Variants in RUNDC3B observed in about 807,000 individuals in gnomAD.
The protein encoded by RUNDC3B is RUN domain-containing protein 3B.
Under a neutral mutation model 58.4 loss-of-function variants are expected in RUNDC3B, and 33 were observed. That is an observed-to-expected ratio of 0.56 (90% CI 0.43 to 0.75). The LOEUF is 0.75. RUNDC3B is among the 30% of genes least tolerant of loss of function. The probability of loss-of-function intolerance (pLI) is 0.00; values close to 1 mark genes in which losing one functional copy is unlikely to be tolerated. For missense variants in RUNDC3B, 501 were observed against 535.7 expected (o/e 0.94, Z 0.64); for synonymous variants, 193 against 195.2 (o/e 0.99, Z 0.10).
At position 87,830,533 on chromosome 7, in the gene RUNDC3B, T is replaced by C. The variant is rs1206832096; in HGVS notation, c.*503T>C. 1 of 152,198 alleles carries C rather than the reference T, an allele frequency of 6.6e-6. No homozygotes were observed. The highest frequency in any genetic ancestry group is 1.9e-4 in the East Asian group (1 of 5,196). 9.4% of individuals were successfully genotyped at this position (152,198 alleles called of 1,614,324 possible). On this transcript the variant is annotated 3_prime_UTR_variant, in exon 11 of 11. Transcript: ENST00000394654. ...TGCCTTGTTTTTAATAACGGGAAAG[T>C]TCTCAGCTGCATTTTCACAGTGGCT...
chr7:87,629,869 G>C (rs574907142), intron 1 of RUNDC3B, among the ~76,000 whole-genome samples: 3 of 151,076 alleles, frequency 2.0e-5, no homozygotes, highest in Non-Finnish European at 4.4e-5. Flanking sequence ...GTTGCAATGA[G>C]CTGAGATAAC....
In RUNDC3B at chr7:87,753,248, A is replaced by C. The variant is rs562168569; in HGVS notation, c.629+11669A>C. Among the ~76,000 whole-genome samples, 335 of 151,272 alleles carry C rather than the reference A, an allele frequency of 2.2e-3. 1 individual carries two copies. Among genetic ancestry groups the C allele is most frequent in the African/African-American group, 3.2e-3 (133 of 41,204 alleles). ...ACTGTGGTCTGAGAGATAGTTTGTTATAATTTCTGTTCTTTTACATTTGCT... is the reference window on the plus strand; with the variant it reads ...ACTGTGGTCTGAGAGATAGTTTGTTCTAATTTCTGTTCTTTTACATTTGCT... On this transcript the variant is annotated intron_variant, in intron 6 of 10. Coordinates refer to ENST00000394654, the MANE Select transcript of RUNDC3B (RefSeq NM_001134405.2).
chr7:87,825,640 C>T (rs1012565117), intron 10 of RUNDC3B, among the ~76,000 whole-genome samples: 1 of 152,196 alleles, frequency 6.6e-6, no homozygotes, highest in African/African-American at 2.4e-5. Context: ...CATCTTGCAT[C>T]ATCCACCCAG....
intron 8 of RUNDC3B, among the ~76,000 whole-genome samples, chr7:87,797,884 G>T (rs577244090): frequency 2.0e-4 from 31 of 152,208 alleles, no homozygotes; most frequent in African/African-American, 7.0e-4. Context: ...ATAAATAAAG[G>T]GATGATGTCA....
Position 87,686,422 on chromosome 7 carries a change from CAAGA to C in RUNDC3B, c.239-13994_239-13991del, listed in dbSNP as rs201957164. On this transcript the variant is annotated intron_variant, in intron 2 of 10. Transcript: ENST00000394654. ...TGGATGGGTGAGGGAAGGCTTTACA[CAAGA>C]AAGAGGCATAGAAGTACCTCAAATG... Among the ~76,000 whole-genome samples the C allele has an allele frequency of 3.8e-3, 572 of 152,196 alleles. 13 individuals carry two copies. The highest frequency in any genetic ancestry group is 0.033 in the Admixed American group (502 of 15,292).
At chr7:87,659,442 G>T (rs1824468510) in intron 2 of RUNDC3B, among the ~76,000 whole-genome samples, 1 of 151,924 alleles carries the variant, frequency 6.6e-6, no homozygotes, top group Admixed American at 6.6e-5. Context: ...TCATTTTCCA[G>T]TGTGAAGTTT....
At chr7:87,737,254 A>G (rs1227478224) in intron 4 of RUNDC3B, among the ~76,000 whole-genome samples, 2 of 152,072 alleles carry the variant, frequency 1.3e-5, no homozygotes, top group African/African-American at 4.8e-5. Context: ...AATTTTAAGT[A>G]TATACCTTAC....
intron 2 of RUNDC3B, among the ~76,000 whole-genome samples, chr7:87,684,071 C>T (rs1827203556): frequency 6.6e-6 from 1 of 152,092 alleles, no homozygotes; most frequent in African/African-American, 2.4e-5. Context: ...CATAGAAAAG[C>T]ATTTGACAAA....
At chr7:87,646,001 C>G (rs1822963530) in intron 1 of RUNDC3B, among the ~76,000 whole-genome samples, 2 of 152,156 alleles carry the variant, frequency 1.3e-5, no homozygotes, top group Admixed American at 6.5e-5. Context: ...TGCTTTCTCA[C>G]CCTTAAATGT....
At chr7:87,818,831 G>C (rs1837229933) in intron 10 of RUNDC3B, among the ~76,000 whole-genome samples, 1 of 152,148 alleles carries the variant, frequency 6.6e-6, no homozygotes, top group South Asian at 2.1e-4. Context: ...TATGAAAACA[G>C]CATTCTGGTA....
intron 4 of RUNDC3B, among the ~76,000 whole-genome samples, chr7:87,731,237 A>G (rs1233113260): frequency 2.0e-5 from 3 of 152,328 alleles, no homozygotes; most frequent in Non-Finnish European, 4.4e-5. Context: ...CGAATGAACT[A>G]TATAAGATGT....
intron 2 of RUNDC3B, among the ~76,000 whole-genome samples, chr7:87,672,757 G>A (rs1194514796): frequency 2.6e-5 from 4 of 152,170 alleles, no homozygotes; most frequent in African/African-American, 7.2e-5. Flanking sequence ...GGAGAAGTGT[G>A]GTTTCCTGAG....
In RUNDC3B at chr7:87,739,785, T is replaced by A. The variant is rs766956439; in HGVS notation, c.459-6T>A. ...ATTTTATATATTCACCCATTTCATT[T>A]TTTAGGAGATTTTATGAAGATGGAG... is the stretch of plus-strand genomic sequence containing the variant. On this transcript the variant is annotated splice_polypyrimidine_tract_variant and splice_region_variant and intron_variant, in intron 4 of 10. Transcript: ENST00000394654. 14 of 1,472,622 alleles carry A rather than the reference T, an allele frequency of 9.5e-6. No homozygotes were observed. In the South Asian group the frequency reaches 1.6e-4, roughly 16 times the overall value. The allele number at this position is 1,472,622 out of a possible 1,614,324, so 91.2% of individuals were successfully genotyped here.
At chr7:87,675,653 CAAAAAA>C (rs200136132) in intron 2 of RUNDC3B, among the ~76,000 whole-genome samples, 11 of 65,844 alleles carry the variant, frequency 1.7e-4, no homozygotes, top group South Asian at 5.3e-4. Flanking sequence ...TATTCACATG[CAAAAAA>C]AAAAAAAAAA....
intron 3 of RUNDC3B, among the ~76,000 whole-genome samples, chr7:87,704,423 A>G (rs1485872395): frequency 6.6e-6 from 1 of 152,202 alleles, no homozygotes; most frequent in African/African-American, 2.4e-5. Context: ...AACCCTTTCA[A>G]TAGAGGGGAG....
chr7:87,733,544 C>T (rs1831726940), intron 4 of RUNDC3B, among the ~76,000 whole-genome samples: 1 of 152,196 alleles, frequency 6.6e-6, no homozygotes, highest in African/African-American at 2.4e-5. Context: ...ACAATTTTTA[C>T]AGATCATAAT....
intron 4 of RUNDC3B, among the ~76,000 whole-genome samples, chr7:87,711,590 T>A (rs1315305139): frequency 3.3e-5 from 5 of 152,114 alleles, no homozygotes; most frequent in African/African-American, 9.7e-5. Context: ...TCAAAAGTAT[T>A]TGTAAATGAA....
Position 87,773,310 on chromosome 7 carries a change from G to T in RUNDC3B, c.798+2561G>T, listed in dbSNP as rs537811299. 1.5e-5 allele frequency among the ~76,000 whole-genome samples: 2 copies of T among 134,138 alleles called. 1 individual carries two copies. The highest frequency in any genetic ancestry group is 5.6e-5 in the African/African-American group (2 of 35,758). 88.0% of individuals were successfully genotyped at this position (134,138 alleles called of 152,430 possible). A position where few individuals can be genotyped will look rare whatever the true frequency, so the allele number is the denominator to read the frequency against. On this transcript the variant is annotated intron_variant, in intron 7 of 10. Transcript: ENST00000394654. The stretch of plus-strand genomic sequence containing the variant: ...TGCACTCCAGCCTGGGCAACAGAGC[G>T]AGACTCCGTCTCAAAAAAAAAAAAA...
rs529220852 is a variant in RUNDC3B, at chr7:87,754,288, A to C, written c.629+12709A>C. On this transcript the variant is annotated intron_variant, in intron 6 of 10. Coordinates refer to ENST00000394654, the MANE Select transcript of RUNDC3B (RefSeq NM_001134405.2). The stretch of plus-strand genomic sequence containing the variant: ...AATAGAAGTCAAGACTCTGAAAATC[A>C]CTCAAAACCATGAAATTATGTAGGA... 4.6e-5 allele frequency among the ~76,000 whole-genome samples: 7 copies of C among 152,328 alleles called. No homozygotes were observed. The South Asian group carries it at 1.4e-3, about 32-fold the overall frequency.
Sources: gnomAD v4.1 joint callset for allele counts (sites outside exome capture counted in the v4.1 genomes callset) on GRCh38, gnomAD v4.1.1 for gene constraint, MANE v1.5 for transcripts, NCBI Gene and HGNC (gene_info 2026-07-23, HGNC 2026-07-21) for gene names.